SART3: variants seen among roughly 807,000 people sequenced by gnomAD.
SART3 encodes HIV-1 Tat-interacting protein of 110kDa.
Under a neutral mutation model 122.3 loss-of-function variants are expected in SART3, and 44 were observed. The observed-to-expected ratio is 0.36, with a 90% CI of 0.28 to 0.46. The LOEUF is 0.46. SART3 is among the 20% of genes least tolerant of loss of function. The pLI is 1.00. For synonymous variants in SART3, 442 were observed against 454.0 expected (o/e 0.97, Z 0.34); for missense variants, 1,101 against 1,229.0 (o/e 0.90, Z 1.56).
chr12:108,536,246 G>A (rs7305836), intron 11 of SART3, among the ~76,000 whole-genome samples: 12,699 of 152,318 alleles, frequency 0.083, 650 homozygotes, highest in South Asian at 0.22. Flanking sequence ...AGAGACAGAA[G>A]TAAACGAGTG....
rs540993853 is a variant in SART3 at position 108,531,293 on chromosome 12, A to C, written c.1670-13T>G. On this transcript the variant is annotated splice_polypyrimidine_tract_variant and intron_variant, in intron 13 of 18. Coordinates refer to ENST00000546815, the MANE Select transcript of SART3 (RefSeq NM_014706.4). ...TCTTCTAAAGAACCTTGAAAGAAAG[A>C]GAAGCAAAACTTTCACTCTTTAGGA... 21 of 1,608,332 alleles carry C rather than the reference A, an allele frequency of 1.3e-5. No homozygotes were observed. The East Asian group carries it at 4.0e-4, about 31-fold the overall frequency.
At chr12:108,539,543 A>AT (rs1471996387) in intron 6 of SART3, among the ~76,000 whole-genome samples, 1 of 152,266 alleles carries the variant, frequency 6.6e-6, no homozygotes, top group Non-Finnish European at 1.5e-5. Flanking sequence ...AAGAATGTAG[A>AT]TAAATGCAGA....
At chr12:108,542,335 G>A (rs1435267458) in intron 6 of SART3, among the ~76,000 whole-genome samples, 3 of 152,148 alleles carry the variant, frequency 2.0e-5, no homozygotes, top group Non-Finnish European at 4.4e-5. Context: ...GCTCACAGCA[G>A]TGCAAACTGA....
chr12:108,550,775 T>A (rs2029973167), intron 1 of SART3, among the ~76,000 whole-genome samples: 1 of 152,078 alleles, frequency 6.6e-6, no homozygotes, highest in South Asian at 2.1e-4. Context: ...GACAGGAGAA[T>A]TGCTTGAACC....
intron 6 of SART3, 126 bp downstream of exon 6, chr12:108,542,902 A>C: frequency 8.0e-7 from 1 of 1,249,550 alleles, no homozygotes. Flanking sequence ...TGTAAACTGT[A>C]CGTATACATT....
chr12:108,554,493 G>GA lies in SART3; in HGVS notation c.313-5280dup, dbSNP rs951263058. 1.5e-4 allele frequency among the ~76,000 whole-genome samples: 23 copies of GA among 151,628 alleles called. No individual in the cohort carries two copies. The East Asian group carries it at 4.2e-3, about 28-fold the overall frequency. On this transcript the variant is annotated intron_variant, in intron 1 of 18. Transcript: ENST00000546815. The stretch of plus-strand genomic sequence containing the variant: ...AATTTTTCCACCATCAGATTTGAGG[G>GA]AAAAAAACATGATTACCTCAATGAA...
chr12:108,556,261 G>A (rs1307177142), intron 1 of SART3, among the ~76,000 whole-genome samples: 1 of 152,026 alleles, frequency 6.6e-6, no homozygotes, highest in Non-Finnish European at 1.5e-5. Flanking sequence ...ATAGCTAAAT[G>A]TTTTAAATTT....
chr12:108,550,887 A>C (rs889356106), intron 1 of SART3, among the ~76,000 whole-genome samples: 2 of 152,214 alleles, frequency 1.3e-5, no homozygotes, highest in African/African-American at 4.8e-5. Flanking sequence ...AATCTAAAAA[A>C]TATTCAAATA....
chr12:108,555,798 C>A (rs1033853863), intron 1 of SART3, among the ~76,000 whole-genome samples: 1 of 152,122 alleles, frequency 6.6e-6, no homozygotes, highest in Admixed American at 6.5e-5. Flanking sequence ...AATAAAAAAA[C>A]CAACAGGGTT....
At chr12:108,544,790 C>T (rs1481200628) in intron 4 of SART3, 9 of 574,902 alleles carry the variant, frequency 1.6e-5, no homozygotes, top group Middle Eastern at 4.6e-4. Flanking sequence ...GTCTTGTACT[C>T]CTGAACTCAA....
At chr12:108,552,259 T>C (rs1038826596) in intron 1 of SART3, among the ~76,000 whole-genome samples, 2 of 152,122 alleles carry the variant, frequency 1.3e-5, no homozygotes, top group African/African-American at 4.8e-5. Flanking sequence ...TACCTTAACA[T>C]CATTCCTAAT....
intron 3 of SART3, among the ~76,000 whole-genome samples, chr12:108,545,766 A>G (rs1217359768): frequency 6.6e-6 from 1 of 152,088 alleles, no homozygotes. Context: ...AGGAGATCGA[A>G]ACCAGCCTGG....
At chr12:108,549,358 C>A (rs528942283) in intron 1 of SART3, 144 bp from the exon 2 acceptor site, 2 of 794,920 alleles carry the variant, frequency 2.5e-6, no homozygotes, top group African/African-American at 1.7e-5. Flanking sequence ...CAACCCAGCA[C>A]GTACCCACAG....
chr12:108,529,817 A>C (rs1415487281), intron 15 of SART3, among the ~76,000 whole-genome samples: 1 of 151,384 alleles, frequency 6.6e-6, no homozygotes, highest in Non-Finnish European at 1.5e-5. Flanking sequence ...AAAAAAAAAA[A>C]GCTGAGGAGT....
At chr12:108,546,217 T>A (rs1873410097) in intron 3 of SART3, among the ~76,000 whole-genome samples, 1 of 152,132 alleles carries the variant, frequency 6.6e-6, no homozygotes, top group African/African-American at 2.4e-5. Flanking sequence ...GTTTGTTTGT[T>A]GAGACACAGT....
intron 12 of SART3, among the ~76,000 whole-genome samples, chr12:108,533,984 A>G (rs1163604964): frequency 6.6e-6 from 1 of 152,232 alleles, no homozygotes; most frequent in Non-Finnish European, 1.5e-5. Flanking sequence ...AACCTCTTCA[A>G]TGAAAACAAC....
At chr12:108,531,323 G>A in intron 13 of SART3, 43 bp from the exon 14 acceptor site, 1 of 1,498,066 alleles carries the variant, frequency 6.7e-7, no homozygotes, top group Non-Finnish European at 9.3e-7. Context: ...TTAGGATTTT[G>A]AAGGATACAA....
In SART3 at chr12:108,530,288, A is replaced by G. The variant is rs1872614066; in HGVS notation, c.1769T>C (p.Leu590Pro). 1 of 1,613,942 alleles carries G rather than the reference A, an allele frequency of 6.2e-7. No homozygotes were observed. Among genetic ancestry groups the G allele is most frequent in the Non-Finnish European group, 8.5e-7 (1 of 1,180,036 alleles). Reference sequence around the variant, plus strand: ...AGCCTTTTCTTCTTCTTGCTGCACAAGGGCTGCTTCCTTCTCTGCAGCCTA... The same window carrying G: ...AGCCTTTTCTTCTTCTTGCTGCACAGGGGCTGCTTCCTTCTCTGCAGCCTA... Reference protein sequence around the residue: ...RMKAAEKEAALVQQEEEKAEQ... With the variant: ...RMKAAEKEAAPVQQEEEKAEQ... The change falls in exon 15 of 19, where the codon CTT becomes CCT. Residue 590 changes from leucine to proline, a missense_variant. Transcript: ENST00000546815.
chr12:108,546,893 C>A (rs922709020), intron 3 of SART3, among the ~76,000 whole-genome samples: 1 of 152,090 alleles, frequency 6.6e-6, no homozygotes, highest in African/African-American at 2.4e-5. Context: ...AACCTCAACT[C>A]GCTGCAACCT....
Sources: gnomAD v4.1 joint callset for allele counts (sites outside exome capture counted in the v4.1 genomes callset) on GRCh38, gnomAD v4.1.1 for gene constraint, MANE v1.5 for transcripts, NCBI Gene and HGNC (gene_info 2026-07-23, HGNC 2026-07-21) for gene names.